Variants in PDE6A observed in about 807,000 individuals in gnomAD.
PDE6A encodes rod cGMP-specific 3',5'-cyclic phosphodiesterase subunit alpha.
A neutral mutation model predicts 106.3 loss-of-function variants in PDE6A; 84 were observed. The observed-to-expected ratio is 0.79, with a 90% CI of 0.66 to 0.95. PDE6A has a LOEUF of 0.95. Among genes scored for constraint, PDE6A ranks in the 40% least tolerant of loss-of-function variants. The pLI, the probability that PDE6A is intolerant of heterozygous loss-of-function variation, is 0.00. For synonymous variants in PDE6A, 394 were observed against 386.6 expected (o/e 1.02, Z -0.23); for missense variants, 1,052 against 1,084.9 (o/e 0.97, Z 0.43).
chr5:149,869,069 C>A (rs1760439124), intron 17 of PDE6A, among the ~76,000 whole-genome samples: 1 of 152,220 alleles, frequency 6.6e-6, no homozygotes, highest in African/African-American at 2.4e-5. Context: ...GTGGCTCACG[C>A]CAGTAATCCC....
chr5:149,872,453 G>T (rs1187931680), intron 17 of PDE6A, among the ~76,000 whole-genome samples: 1 of 152,032 alleles, frequency 6.6e-6, no homozygotes, highest in African/African-American at 2.4e-5. Flanking sequence ...GGTCACCCTC[G>T]TGTGTAGAGC....
intron 3 of PDE6A, chr5:149,932,506 G>T: frequency 7.3e-7 from 1 of 1,365,956 alleles, no homozygotes; most frequent in South Asian, 1.2e-5. Flanking sequence ...ATCCTCTCTG[G>T]AACTTGCATT....
chr5:149,906,711 C>T (rs944005434), intron 7 of PDE6A, among the ~76,000 whole-genome samples: 1 of 152,016 alleles, frequency 6.6e-6, no homozygotes, highest in Non-Finnish European at 1.5e-5. Context: ...CATGTTCTTC[C>T]TTCCACCTGG....
chr5:149,889,777 C>T (rs556074077), intron 13 of PDE6A, among the ~76,000 whole-genome samples: 6 of 151,764 alleles, frequency 4.0e-5, no homozygotes, highest in South Asian at 2.1e-4. Flanking sequence ...CCCGGTGGCA[C>T]GCACCTGTAA....
At chr5:149,897,784 G>A (rs989292325) in intron 10 of PDE6A, among the ~76,000 whole-genome samples, 3 of 152,076 alleles carry the variant, frequency 2.0e-5, no homozygotes, top group South Asian at 2.1e-4. Context: ...ACAGGGTCTC[G>A]CTGTGTTGCC....
At chr5:149,880,479 A>G (rs1171270834) in intron 17 of PDE6A, among the ~76,000 whole-genome samples, 1 of 152,098 alleles carries the variant, frequency 6.6e-6, no homozygotes, top group Non-Finnish European at 1.5e-5. Context: ...TAGGAGGCCG[A>G]GGTGGGCGGA....
At chr5:149,939,919 C>A (rs1754282576) in intron 1 of PDE6A, 1 of 149,516 alleles carries the variant, frequency 6.7e-6, no homozygotes, top group Non-Finnish European at 1.5e-5. Flanking sequence ...GACTCCCTGG[C>A]TGAACCAACT....
At position 149,890,754 on chromosome 5, in the gene PDE6A, G is replaced by A. The variant is rs117825082; in HGVS notation, c.1729-4380C>T. 3.3e-5 allele frequency among the ~76,000 whole-genome samples: 5 copies of A among 152,268 alleles called. No homozygotes were observed. The East Asian group carries it at 9.6e-4, about 29-fold the overall frequency. ...AAGATCATACCATTGGACTGGGGAA[G>A]AATTTCCAGAATTCCAGTGAAGAAA... On this transcript the variant is annotated intron_variant, in intron 13 of 21. Transcript: ENST00000255266.
rs1752769910 is a variant in PDE6A at position 149,896,788 on chromosome 5, C to G, written c.1408-12G>C. 6.2e-7 allele frequency: 1 copy of G among 1,613,860 alleles called. No individual in the cohort carries two copies. Among genetic ancestry groups the G allele is most frequent in the Non-Finnish European group, 8.5e-7 (1 of 1,179,960 alleles). ...ACCTCTCTGGTTTTCTGCCAGGACC[C>G]AAAATGGCAGGGGAAAAAAAATAGG... On this transcript the variant is annotated splice_polypyrimidine_tract_variant and intron_variant, in intron 10 of 21. Coordinates refer to ENST00000255266, the MANE Select transcript of PDE6A (RefSeq NM_000440.3).
chr5:149,902,203 G>T (rs925565491), intron 8 of PDE6A, among the ~76,000 whole-genome samples: 2 of 152,070 alleles, frequency 1.3e-5, no homozygotes, highest in Admixed American at 6.5e-5. Flanking sequence ...ACTCAGATTT[G>T]TTGGCTTATT....
rs1356866858 is a variant in PDE6A at position 149,866,167 on chromosome 5, T to C, written c.2358+3A>G. 28 of 1,608,032 alleles carry C rather than the reference T, an allele frequency of 1.7e-5. No homozygotes were observed. Among genetic ancestry groups the C allele is most frequent in the Non-Finnish European group, 2.1e-5 (25 of 1,174,522 alleles). ...GTTGCGGCTGAGGAAGCCAAGGGCC[T>C]ACCTTGTAGACGAAGGTGCAAACAA... On this transcript the variant is annotated splice_donor_region_variant and intron_variant, in intron 20 of 21. Transcript: ENST00000255266.
chr5:149,862,906 G>T (rs114281923), intron 21 of PDE6A, among the ~76,000 whole-genome samples: 1 of 152,214 alleles, frequency 6.6e-6, no homozygotes, highest in Non-Finnish European at 1.5e-5. Flanking sequence ...GGCCTGGATC[G>T]TTCCTCAGCC....
Position 149,944,705 on chromosome 5 carries a change from G to T in PDE6A, c.-32C>A. The T allele has an allele frequency of 6.4e-7, 1 of 1,553,960 alleles. No homozygotes were observed. Among genetic ancestry groups the T allele is most frequent in the Non-Finnish European group, 8.7e-7 (1 of 1,142,990 alleles). The stretch of plus-strand genomic sequence containing the variant: ...GAATCCCACTGGCTACTCTGTAGAA[G>T]GACTGGGACGGAGGCCTTCCAATGG... On this transcript the variant is annotated 5_prime_UTR_variant, in exon 1 of 22. Transcript: ENST00000255266.
chr5:149,939,171 C>T (rs1754263353), intron 1 of PDE6A, among the ~76,000 whole-genome samples: 1 of 152,146 alleles, frequency 6.6e-6, no homozygotes, highest in Non-Finnish European at 1.5e-5. Flanking sequence ...CAGACTTCAC[C>T]CACAGGCCCA....
chr5:149,916,569 T>C (rs1753561044), intron 5 of PDE6A, among the ~76,000 whole-genome samples: 1 of 152,172 alleles, frequency 6.6e-6, no homozygotes, highest in Admixed American at 6.5e-5. Flanking sequence ...TTGTTAAAAT[T>C]CCCATTCTCT....
Position 149,859,168 on chromosome 5 carries a change from A to C in PDE6A, c.*1727T>G, listed in dbSNP as rs1760042263. ...CCAACAGAATGCCTGCTAATTTAAG[A>C]AACAGAAGTTCTGGAATTGAGAATA... On this transcript the variant is annotated 3_prime_UTR_variant, in exon 22 of 22. Transcript: ENST00000255266. 2.0e-5 allele frequency: 3 copies of C among 152,186 alleles called. No individual in the cohort carries two copies. The allele number at this position is 152,186 out of a possible 1,614,324, so 9.4% of individuals were successfully genotyped here.
Position 149,863,106 on chromosome 5 carries a change from C to G in PDE6A, c.2506+13G>C. ...TGGGGTGGTGGGAGTCCCTGCTTCCCCCTTCCACAAACCTGACTTGGCCGA... is the reference window on the plus strand; with the variant it reads ...TGGGGTGGTGGGAGTCCCTGCTTCCGCCTTCCACAAACCTGACTTGGCCGA... On this transcript the variant is annotated intron_variant, in intron 21 of 21. Coordinates refer to ENST00000255266, the MANE Select transcript of PDE6A (RefSeq NM_000440.3). This position sits in a 1 kb window ranked among gnomAD's most constrained non-coding sequence, Gnocchi z 4.7. The G allele has an allele frequency of 6.2e-7, 1 of 1,614,162 alleles. No homozygotes were observed. Among genetic ancestry groups the G allele is most frequent in the African/African-American group, 1.3e-5 (1 of 75,066 alleles).
At chr5:149,932,633 T>C (rs1444478324) in intron 3 of PDE6A, 6 of 1,613,574 alleles carry the variant, frequency 3.7e-6, no homozygotes, top group Non-Finnish European at 5.1e-6. Flanking sequence ...CTTCAGTATA[T>C]TCCATTTCGT....
chr5:149,932,843 G>A (rs1013908215), intron 3 of PDE6A, among the ~76,000 whole-genome samples: 1 of 152,214 alleles, frequency 6.6e-6, no homozygotes, highest in South Asian at 2.1e-4. Context: ...GGAGGGTCCC[G>A]GTGAGGACCG....
Sources: allele counts gnomAD v4.1 joint callset (sites outside exome capture counted in the v4.1 genomes callset), GRCh38; gene constraint gnomAD v4.1.1; non-coding constraint Gnocchi (gnomAD v3.1); transcripts MANE v1.5; gene names NCBI Gene and HGNC (gene_info 2026-07-23, HGNC 2026-07-21).